The following NIPAL3 variants were observed in gnomAD, a reference collection of about 807,000 sequenced individuals.
NIPAL3 encodes the protein NIPA-like protein 3.
NIPAL3 carries 41 observed loss-of-function variants against 47.2 expected under a neutral mutation model. The ratio of observed to expected loss-of-function variants is 0.87; its 90% CI spans 0.68 to 1.13. The LOEUF is 1.13. NIPAL3 is among the 50% of genes most tolerant of loss of function. The probability of loss-of-function intolerance (pLI) is 0.00; values close to 1 mark genes in which losing one functional copy is unlikely to be tolerated. For synonymous variants in NIPAL3, 194 were observed against 209.6 expected, an observed-to-expected ratio of 0.93 and a Z score of 0.64; for missense variants, 449 against 530.1, an observed-to-expected ratio of 0.85 and a Z score of 1.50.
At chr1:24,438,009 G>A (rs532702418) in intron 2 of NIPAL3, among the ~76,000 whole-genome samples, 65 of 152,322 alleles carry the variant, frequency 4.3e-4, no homozygotes, top group Non-Finnish European at 8.7e-4. Context: ...AGTTAGACAA[G>A]GAGAAACTCC....
chr1:24,417,216 CAGTT>C (rs1267835901), intron 1 of NIPAL3, among the ~76,000 whole-genome samples: 3 of 152,174 alleles, frequency 2.0e-5, no homozygotes, highest in African/African-American at 7.2e-5. Context: ...CTCATTTAGT[CAGTT>C]GGTTGGTATG....
At chr1:24,436,277 G>A (rs1000435680) in intron 2 of NIPAL3, among the ~76,000 whole-genome samples, 21 of 152,058 alleles carry the variant, frequency 1.4e-4, no homozygotes, top group African/African-American at 4.3e-4. Context: ...GGTAGTGAGA[G>A]GAGGCTTTTC....
chr1:24,465,999 C>G, intron 11 of NIPAL3: 1 of 1,610,026 alleles, frequency 6.2e-7, no homozygotes, highest in Non-Finnish European at 8.5e-7. Context: ...CTTTTGTCTA[C>G]CTAGATTCAT....
rs558878579 is a variant in NIPAL3, at chr1:24,454,565, GAT to G, written c.637+1065_637+1066del. The G allele has an allele frequency of 2.5e-4, 249 of 984,384 alleles. 2 individuals carry two copies. The African/African-American group carries it at 4.1e-3, about 16-fold the overall frequency. 61.0% of individuals were successfully genotyped at this position (984,384 alleles called of 1,614,324 possible). On this transcript the variant is annotated intron_variant, in intron 7 of 11. Transcript: ENST00000374399. This position sits in a 1 kb window ranked among gnomAD's most constrained non-coding sequence, Gnocchi z 4.1. ...CTTAATTTTTTAACAGCTCTGTTGAGATATAATTTACATACCATAAAGTTCAC... is the reference window on the plus strand; with the variant it reads ...CTTAATTTTTTAACAGCTCTGTTGAGATAATTTACATACCATAAAGTTCAC...
intron 11 of NIPAL3, among the ~76,000 whole-genome samples, chr1:24,467,500 T>C (rs1371414664): frequency 6.6e-6 from 1 of 151,872 alleles, no homozygotes; most frequent in East Asian, 1.9e-4. Flanking sequence ...AAATAAAAAG[T>C]ATGGACTTCC....
chr1:24,442,091 C>A lies in NIPAL3; in HGVS notation c.199C>A (p.Pro67Thr), dbSNP rs764409862. 4.3e-6 allele frequency: 7 copies of A among 1,614,128 alleles called. No homozygotes were observed. The South Asian group carries it at 7.7e-5, about 18-fold the overall frequency. ...CHIRLAGSKD[P>T]RAYFKTKTWW... ...CATCCGCCTGGCAGGCTCCAAGGAT[C>A]CCCGGGCCTATTTCAAGACCAAGAC... The change falls in exon 4 of 12, where the codon CCC becomes ACC. Residue 67 changes from proline to threonine, a missense_variant. By Grantham distance (38) the Pro-to-Thr change is conservative (BLOSUM62 -1). Transcript: ENST00000374399.
intron 11 of NIPAL3, chr1:24,464,680 T>A (rs1570388236): frequency 6.6e-6 from 1 of 152,002 alleles, no homozygotes; most frequent in Middle Eastern, 3.4e-3. Flanking sequence ...GACTGGAGAG[T>A]GCCTGTCTAG....
rs1646841273 is a variant in NIPAL3, at chr1:24,469,698, T to C, written c.*513T>C. On this transcript the variant is annotated 3_prime_UTR_variant, in exon 12 of 12. Transcript: ENST00000374399. ...TTCACATGGCAGGCTGGGCCAACCCTGGGTGGAAGGTTCTGACATTTGTGT... is the reference window on the plus strand; with the variant it reads ...TTCACATGGCAGGCTGGGCCAACCCCGGGTGGAAGGTTCTGACATTTGTGT... 1 of 155,350 alleles carries C rather than the reference T, an allele frequency of 6.4e-6. No individual in the cohort carries two copies. The highest frequency in any genetic ancestry group is 1.4e-5 in the Non-Finnish European group (1 of 69,966). The allele number at this position is 155,350 out of a possible 1,614,324, so 9.6% of individuals were successfully genotyped here.
Position 24,416,220 on chromosome 1 carries a change from G to GT in NIPAL3, c.-258+317dup. ...TCGGGCTTCCTGGCGGCAGCAGATG[G>GT]TGGAGTTAGCAGGTGGGATGAGGGG... On this transcript the variant is annotated intron_variant, in intron 1 of 11. Coordinates refer to ENST00000374399, the MANE Select transcript of NIPAL3 (RefSeq NM_020448.5). This position sits in a 1 kb window ranked among gnomAD's most constrained non-coding sequence, Gnocchi z 4.8. 1 of 985,626 alleles carries GT rather than the reference G, an allele frequency of 1.0e-6. No individual in the cohort carries two copies. The highest frequency in any genetic ancestry group is 1.2e-6 in the Non-Finnish European group (1 of 830,100). 61.1% of individuals were successfully genotyped at this position (985,626 alleles called of 1,614,324 possible).
At chr1:24,434,948 A>G (rs1234628647) in intron 2 of NIPAL3, among the ~76,000 whole-genome samples, 4 of 152,226 alleles carry the variant, frequency 2.6e-5, no homozygotes, top group Admixed American at 6.5e-5. Context: ...AAAATAGCCA[A>G]AACAATCTTG....
chr1:24,423,893 A>G (rs550092588), intron 2 of NIPAL3, among the ~76,000 whole-genome samples: 16 of 152,110 alleles, frequency 1.1e-4, no homozygotes, highest in Non-Finnish European at 2.2e-4. Context: ...TTAATAAAGG[A>G]GATGTTTGCA....
chr1:24,467,332 T>C (rs1353287138), intron 11 of NIPAL3, among the ~76,000 whole-genome samples: 1 of 149,942 alleles, frequency 6.7e-6, no homozygotes, highest in Admixed American at 6.7e-5. Flanking sequence ...TAGCTGTGCG[T>C]GGTGGCGGGT....
At chr1:24,429,759 A>T (rs1644794388) in intron 2 of NIPAL3, among the ~76,000 whole-genome samples, 1 of 152,226 alleles carries the variant, frequency 6.6e-6, no homozygotes, top group Admixed American at 6.5e-5. Context: ...GGTTGTGCTT[A>T]AGTATCATTT....
At position 24,442,163 on chromosome 1, in the gene NIPAL3, T is replaced by A. The variant is rs768702376; in HGVS notation, c.271T>A (p.Phe91Ile). ...GATGCTTCTGGGCGAGCTGGGTGTG[T>A]TCGCCTCCTACGCCTTCGCGCCGCT... ...FLMLLGELGVFASYAFAPLSL... is the reference protein window; with the variant it reads ...FLMLLGELGVIASYAFAPLSL... The change falls in exon 4 of 12, where the codon TTC becomes ATC. Residue 91 changes from phenylalanine (F) to isoleucine (I), a missense_variant. Physicochemically the swap from Phe to Ile is conservative, Grantham distance 21 (BLOSUM62 0). Coordinates refer to ENST00000374399, the MANE Select transcript of NIPAL3 (RefSeq NM_020448.5). 1 of 1,614,204 alleles carries A rather than the reference T, an allele frequency of 6.2e-7. No homozygotes were observed. Among genetic ancestry groups the A allele is most frequent in the Admixed American group, 1.7e-5 (1 of 60,032 alleles).
chr1:24,449,468 C>T lies in NIPAL3; in HGVS notation c.395-13C>T, dbSNP rs1557518629. The T allele has an allele frequency of 1.9e-6, 3 of 1,612,644 alleles. No homozygotes were observed. Among genetic ancestry groups the T allele is most frequent in the East Asian group, 2.2e-5 (1 of 44,882 alleles). On this transcript the variant is annotated splice_polypyrimidine_tract_variant and intron_variant, in intron 5 of 11. Coordinates refer to ENST00000374399, the MANE Select transcript of NIPAL3 (RefSeq NM_020448.5). The surrounding 1 kb of genome is among the most constrained non-coding windows in gnomAD (Gnocchi z 4.5). Reference sequence around the variant, plus strand: ...TGTTGCAATGAGTCCGTGACAGCCTCTCTTCCCCGCAGGGCGCTACGTCTT... The same window carrying T: ...TGTTGCAATGAGTCCGTGACAGCCTTTCTTCCCCGCAGGGCGCTACGTCTT...
intron 8 of NIPAL3, among the ~76,000 whole-genome samples, chr1:24,458,093 G>T (rs1646305941): frequency 6.6e-6 from 1 of 152,176 alleles, no homozygotes; most frequent in African/African-American, 2.4e-5. Context: ...ACTGCCCTCA[G>T]GCATTCACGG....
intron 1 of NIPAL3, among the ~76,000 whole-genome samples, chr1:24,417,771 G>A (rs1416981520): frequency 2.0e-5 from 3 of 152,182 alleles, no homozygotes; most frequent in African/African-American, 7.2e-5. Context: ...TATCACATAT[G>A]TATGTGCTGT....
At chr1:24,453,383 C>T (rs1883462) in intron 6 of NIPAL3, 25 bp from the exon 7 acceptor site, 536,285 of 1,579,242 alleles carry the variant, frequency 0.34, 92,889 homozygotes, top group Non-Finnish European at 0.36. Context: ...TCCCCACTGA[C>T]CCCCCTGCTT....
At chr1:24,431,776 C>T (rs1013272975) in intron 2 of NIPAL3, among the ~76,000 whole-genome samples, 18 of 152,158 alleles carry the variant, frequency 1.2e-4, no homozygotes, top group African/African-American at 4.1e-4. Flanking sequence ...CCATCTTTCT[C>T]TTCCTCAAAA....
Sources: gnomAD v4.1 joint callset for allele counts (sites outside exome capture counted in the v4.1 genomes callset) on GRCh38, gnomAD v4.1.1 for gene constraint, Gnocchi (gnomAD v3.1) non-coding constraint, MANE v1.5 for transcripts, NCBI Gene and HGNC (gene_info 2026-07-23, HGNC 2026-07-21) for gene names.